Variants in CNOT1 observed in about 807,000 individuals in gnomAD.
CNOT1 encodes CCR4-NOT transcription complex subunit 1.
Under a neutral mutation model 273.8 loss-of-function variants are expected in CNOT1, and 15 were observed. The ratio of observed to expected loss-of-function variants is 0.05; its 90% CI spans 0.04 to 0.08. CNOT1 has a LOEUF of 0.08. Ranked by LOEUF, CNOT1 falls within the 10% of genes least tolerant of loss-of-function variation. The pLI is 1.00. For missense variants in CNOT1, 1,644 were observed against 2,912.2 expected (o/e 0.56, Z 10.02); for synonymous variants, 1,022 against 1,005.5 (o/e 1.02, Z -0.31).
At chr16:58,545,272 G>A in intron 30 of CNOT1, 89 bp downstream of exon 30, 1 of 1,554,802 alleles carries the variant, frequency 6.4e-7, no homozygotes, top group South Asian at 1.2e-5. Flanking sequence ...AATCCAGAGG[G>A]AAGGGCAAAG....
At chr16:58,557,225 A>G (rs1460592071) in intron 18 of CNOT1, among the ~76,000 whole-genome samples, 1 of 152,230 alleles carries the variant, frequency 6.6e-6, no homozygotes, top group Non-Finnish European at 1.5e-5. Flanking sequence ...AATTATTTAT[A>G]TTCTTGATAA....
rs144168204 is a variant in CNOT1, at chr16:58,614,161, T to G, written c.-174-14650A>C. On this transcript the variant is annotated intron_variant, in intron 1 of 48. Transcript: ENST00000317147. Reference sequence around the variant, plus strand: ...ATATTATGCCAGTAGCTTTGCATATTCCAAGACTCTCTATGCAAAATCCCA... The same window carrying G: ...ATATTATGCCAGTAGCTTTGCATATGCCAAGACTCTCTATGCAAAATCCCA... 1.6e-5 allele frequency among the ~76,000 whole-genome samples: 2 copies of G among 122,732 alleles called. 1 individual carries two copies. Among genetic ancestry groups the G allele is most frequent in the African/African-American group, 5.5e-5 (2 of 36,468 alleles). 80.5% of individuals were successfully genotyped at this position (122,732 alleles called of 152,430 possible).
chr16:58,560,841 A>G (rs1033467949), intron 16 of CNOT1, among the ~76,000 whole-genome samples: 1 of 152,226 alleles, frequency 6.6e-6, no homozygotes, highest in Non-Finnish European at 1.5e-5. Context: ...CCTGGCTAAC[A>G]TGGTGAAACC....
At chr16:58,626,868 G>T (rs963240246) in intron 1 of CNOT1, among the ~76,000 whole-genome samples, 7 of 151,840 alleles carry the variant, frequency 4.6e-5, no homozygotes, top group South Asian at 2.1e-4. Context: ...TAAAGACAGG[G>T]TCTCACCATG....
rs760619627 is a variant in CNOT1 at position 58,580,657 on chromosome 16, T to C, written c.1319A>G (p.Asp440Gly). Residue 440 changes from aspartate to glycine, a missense_variant, in exon 12 of 49, where the codon GAT (aspartate) becomes GGT (glycine). By Grantham distance (94) the Asp-to-Gly change is moderately conservative. Around this residue, in one of 13 missense-constraint regions of CNOT1, gnomAD observed 706 missense variants for 1,021.2 expected, o/e 0.69. Transcript: ENST00000317147. The stretch of plus-strand genomic sequence containing the variant: ...CCATGTGGCAATTTCTCGATTGTCA[T>C]CCTCTGGTGGTGCTTTCAGAATATC... The part of the protein sequence containing the change: ...ATDILKAPPE[D>G]DNREIATWKS... 83 of 1,612,296 alleles carry C rather than the reference T, an allele frequency of 5.1e-5. 1 individual carries two copies. The highest frequency in any genetic ancestry group is 1.3e-5 in the African/African-American group (1 of 74,864).
chr16:58,621,010 A>C (rs2043289588), intron 1 of CNOT1, among the ~76,000 whole-genome samples: 1 of 120,718 alleles, frequency 8.3e-6, no homozygotes, highest in Non-Finnish European at 1.7e-5. Flanking sequence ...ACTAGACAAA[A>C]AGATAACTTT....
rs960144478 is a variant in CNOT1 at position 58,547,823 on chromosome 16, A to G, written c.3523-141T>C. ...AGGCCCCAAAGTAGAATTACTCTGT[A>G]TATCATTCTCAATATCATTTTGCTG... On this transcript the variant is annotated intron_variant, in intron 25 of 48. Transcript: ENST00000317147. The surrounding 1 kb of genome is among the most constrained non-coding windows in gnomAD (Gnocchi z 4.0). The G allele has an allele frequency of 5.9e-5, 42 of 709,962 alleles. No homozygotes were observed. In the African/African-American group the frequency reaches 6.8e-4, roughly 12 times the overall value. 44.0% of individuals were successfully genotyped at this position (709,962 alleles called of 1,614,324 possible). A position where few individuals can be genotyped will look rare whatever the true frequency, so the allele number is the denominator to read the frequency against.
rs372837610 is a variant in CNOT1 at position 58,546,405 on chromosome 16, G to A, written c.3922C>T (p.Arg1308Cys). 2.5e-6 allele frequency: 4 copies of A among 1,613,888 alleles called. No homozygotes were observed. Among genetic ancestry groups the A allele is most frequent in the South Asian group, 1.1e-5 (1 of 91,066 alleles). The change falls in exon 29 of 49, where the codon CGC becomes TGC. Residue 1308 changes from arginine to cysteine, a missense_variant. This residue lies in a region of CNOT1 where 52 missense variants were observed against 50.2 expected (regional missense o/e 1.04). Transcript: ENST00000317147. ...KPGNLLKDKD[R>C]LKNLDEQLSA... ...AGTTGCTCATCTAAATTCTTCAGGC[G>A]ATCTTTATCCTTTAGGAGGTTTCCA...
chr16:58,596,910 A>C (rs909738976), intron 2 of CNOT1, among the ~76,000 whole-genome samples: 6 of 147,468 alleles, frequency 4.1e-5, no homozygotes, highest in Non-Finnish European at 6.0e-5. Flanking sequence ...AAAAAAAAAA[A>C]AAAAAAACAA....
chr16:58,619,609 A>G (rs1316689952), intron 1 of CNOT1, among the ~76,000 whole-genome samples: 3 of 152,036 alleles, frequency 2.0e-5, no homozygotes, highest in Admixed American at 2.0e-4. Context: ...TATTTTTAGT[A>G]GAGACGGGGT....
At chr16:58,624,236 G>A (rs565891327) in intron 1 of CNOT1, among the ~76,000 whole-genome samples, 1 of 152,290 alleles carries the variant, frequency 6.6e-6, no homozygotes, top group South Asian at 2.1e-4. Flanking sequence ...TGAATTAGAG[G>A]ATACCCATGT....
chr16:58,617,939 G>A (rs963931374), intron 1 of CNOT1, among the ~76,000 whole-genome samples: 1 of 152,048 alleles, frequency 6.6e-6, no homozygotes, highest in Non-Finnish European at 1.5e-5. Context: ...CCAGGAGTCT[G>A]TGATTTTAAC....
intron 1 of CNOT1, among the ~76,000 whole-genome samples, chr16:58,612,028 G>A (rs1319062291): frequency 8.8e-6 from 1 of 114,088 alleles, no homozygotes; most frequent in Non-Finnish European, 1.8e-5. Flanking sequence ...CTAGTGGTGT[G>A]ACCACACCTC....
chr16:58,598,116 T>C (rs1180017963), intron 2 of CNOT1, among the ~76,000 whole-genome samples: 12 of 140,014 alleles, frequency 8.6e-5, no homozygotes, highest in Non-Finnish European at 1.2e-4. Context: ...ATAAAAAAAT[T>C]TGCCGGGCGC....
intron 1 of CNOT1, among the ~76,000 whole-genome samples, chr16:58,626,304 G>A (rs2043578497): frequency 6.7e-6 from 1 of 149,786 alleles, no homozygotes; most frequent in South Asian, 2.1e-4. Flanking sequence ...CTACTCAGAA[G>A]GCTGAGGCAG....
Position 58,576,214 on chromosome 16 carries a change from G to A in CNOT1, c.1704+249C>T, listed in dbSNP as rs570095843. Reference sequence around the variant, plus strand: ...CAACCTCCGCCTCCCAGGTTCAAGCGATTCTCCTGCCTCAGCCTCCTGAGT... The same window carrying A: ...CAACCTCCGCCTCCCAGGTTCAAGCAATTCTCCTGCCTCAGCCTCCTGAGT... On this transcript the variant is annotated intron_variant, in intron 14 of 48. Coordinates refer to ENST00000317147, the MANE Select transcript of CNOT1 (RefSeq NM_016284.5). Among the ~76,000 whole-genome samples the A allele has an allele frequency of 9.9e-5, 15 of 151,954 alleles. No individual in the cohort carries two copies. In the South Asian group the frequency reaches 2.7e-3, roughly 27 times the overall value.
In CNOT1 at chr16:58,539,680, A is replaced by G. The variant is rs961132431; in HGVS notation, c.4992+88T>C. 3.1e-6 allele frequency: 4 copies of G among 1,294,264 alleles called. No individual in the cohort carries two copies. In the African/African-American group the frequency reaches 4.8e-5, roughly 16 times the overall value. The allele number at this position is 1,294,264 out of a possible 1,614,324, so 80.2% of individuals were successfully genotyped here. On this transcript the variant is annotated intron_variant, in intron 35 of 48. Transcript: ENST00000317147. The stretch of plus-strand genomic sequence containing the variant: ...TGATTTATATTATGAAATCTTAAGC[A>G]TAACTGCATAAATATGTAGATGGTG...
At chr16:58,614,107 G>A (rs9937961) in intron 1 of CNOT1, among the ~76,000 whole-genome samples, 60,206 of 104,856 alleles carry the variant, frequency 0.57, 23,724 homozygotes, top group African/African-American at 0.77. Flanking sequence ...AAAAAAAAAA[G>A]AAAAGAAAAT....
intron 1 of CNOT1, among the ~76,000 whole-genome samples, chr16:58,626,443 T>C (rs998780503): frequency 2.0e-4 from 28 of 142,234 alleles, no homozygotes; most frequent in African/African-American, 7.0e-4. Context: ...ATATACCAAG[T>C]TCATAAAATA....
Sources: gnomAD v4.1 joint callset for allele counts (sites outside exome capture counted in the v4.1 genomes callset) on GRCh38, gnomAD v4.1.1 for gene constraint, gnomAD v4.1.1 regional missense constraint, Gnocchi (gnomAD v3.1) non-coding constraint, MANE v1.5 for transcripts, NCBI Gene and HGNC (gene_info 2026-07-23, HGNC 2026-07-21) for gene names.